COL13A1: variants seen among roughly 807,000 people sequenced by gnomAD.
COL13A1 encodes the protein collagen alpha-1(XIII) chain.
Under a neutral mutation model 130.9 loss-of-function variants are expected in COL13A1, and 89 were observed. That is an observed-to-expected ratio of 0.68 (90% CI 0.57 to 0.81). The LOEUF is 0.81. Ranked by LOEUF, COL13A1 falls within the 30% of genes least tolerant of loss-of-function variation. The pLI is 0.00. For synonymous variants in COL13A1, 402 were observed against 341.6 expected, an observed-to-expected ratio of 1.18 and a Z score of -1.95; for missense variants, 879 against 934.6, an observed-to-expected ratio of 0.94 and a Z score of 0.78.
intron 27 of COL13A1, 118 bp from the exon 28 acceptor site, chr10:69,928,819 G>T: frequency 1.5e-6 from 1 of 649,280 alleles, no homozygotes; most frequent in Non-Finnish European, 2.6e-6. Flanking sequence ...CTCTATCACT[G>T]GAGAAAGGTC....
chr10:69,802,650 AAGCGGAGCGCGGGG>A lies in COL13A1; in HGVS notation c.231_244del (p.Glu78AlafsTer36). ...CTGCAGGCCCGGGTGCTGCGCCTGGAAGCGGAGCGCGGGGAGCAGCAAATGGAGACGGCTATTTT... is the reference window on the plus strand; with the variant it reads ...CTGCAGGCCCGGGTGCTGCGCCTGGAAGCAGCAAATGGAGACGGCTATTTT... On this transcript the variant is annotated frameshift_variant, in exon 1 of 41. Coordinates refer to ENST00000645393, the MANE Select transcript of COL13A1 (RefSeq NM_001368882.1). LOFTEE classifies it high-confidence loss of function. The A allele has an allele frequency of 6.2e-7, 1 of 1,613,430 alleles. No homozygotes were observed. Among genetic ancestry groups the A allele is most frequent in the Non-Finnish European group, 8.5e-7 (1 of 1,179,550 alleles).
At chr10:69,868,632 T>TC (rs889991935) in intron 3 of COL13A1, among the ~76,000 whole-genome samples, 1 of 152,224 alleles carries the variant, frequency 6.6e-6, no homozygotes, top group Non-Finnish European at 1.5e-5. Flanking sequence ...ATCAACCCTA[T>TC]CATCATCCCT....
At chr10:69,957,159 C>A in intron 40 of COL13A1, 117 bp downstream of exon 40, 1 of 861,824 alleles carries the variant, frequency 1.2e-6, no homozygotes, top group Non-Finnish European at 1.9e-6. Flanking sequence ...CAAATAGTCA[C>A]TGTCTCAAAG....
chr10:69,808,175 C>A (rs944148530), intron 1 of COL13A1, among the ~76,000 whole-genome samples: 3 of 152,192 alleles, frequency 2.0e-5, no homozygotes, highest in African/African-American at 7.2e-5. Context: ...GCAGCCAACC[C>A]TCATAGGAAG....
chr10:69,891,287 G>A (rs1305667706), intron 10 of COL13A1, among the ~76,000 whole-genome samples: 5 of 152,206 alleles, frequency 3.3e-5, no homozygotes, highest in African/African-American at 4.8e-5. Flanking sequence ...GGTCGGAGAC[G>A]GCTTTTCTGA....
chr10:69,918,223 C>T (rs1038021334), intron 18 of COL13A1, 62 bp from the exon 19 acceptor site: 211 of 1,507,026 alleles, frequency 1.4e-4, no homozygotes, highest in Non-Finnish European at 7.7e-5. Context: ...CACTGCCCCC[C>T]GCCCCCTGCT....
At chr10:69,892,099 C>T (rs1359377522) in intron 10 of COL13A1, among the ~76,000 whole-genome samples, 1 of 152,236 alleles carries the variant, frequency 6.6e-6, no homozygotes, top group Non-Finnish European at 1.5e-5. Context: ...GGCCCACCCC[C>T]TCTCTCGTGA....
chr10:69,947,226 T>C, intron 37 of COL13A1, 81 bp from the exon 38 acceptor site: 2 of 1,294,758 alleles, frequency 1.5e-6, no homozygotes, highest in Non-Finnish European at 2.2e-6. Context: ...TTGGGAGAGT[T>C]TGATGAGCCT....
intron 15 of COL13A1, 103 bp downstream of exon 15, chr10:69,902,958 C>A: frequency 1.1e-6 from 1 of 877,042 alleles, no homozygotes; most frequent in Non-Finnish European, 1.7e-6. Flanking sequence ...AGCAGAAATG[C>A]CTTGGCAGGG....
chr10:69,813,619 A>AGGCACCCCCGT (rs1339364417), intron 1 of COL13A1, among the ~76,000 whole-genome samples: 2 of 152,036 alleles, frequency 1.3e-5, no homozygotes, highest in African/African-American at 2.4e-5. Context: ...ACAGCTCCTA[A>AGGCACCCCCGT]GGCACCCCCG....
intron 14 of COL13A1, among the ~76,000 whole-genome samples, chr10:69,901,382 C>T (rs1032995508): frequency 6.6e-5 from 10 of 152,220 alleles, no homozygotes; most frequent in African/African-American, 1.2e-4. Context: ...TTGCTGAAAG[C>T]TTACATTTCT....
At chr10:69,825,467 G>C (rs1847250297) in intron 2 of COL13A1, among the ~76,000 whole-genome samples, 1 of 152,100 alleles carries the variant, frequency 6.6e-6, no homozygotes, top group Middle Eastern at 3.2e-3. Context: ...CAATAAATGA[G>C]TATCAGTAGT....
chr10:69,891,300 AAG>A (rs2061143778), intron 10 of COL13A1, among the ~76,000 whole-genome samples: 1 of 152,240 alleles, frequency 6.6e-6, no homozygotes, highest in Non-Finnish European at 1.5e-5. Flanking sequence ...TTTTCTGAGA[AAG>A]AGACTTTTGA....
chr10:69,845,194 TC>T (rs1385409121), intron 2 of COL13A1, among the ~76,000 whole-genome samples: 1 of 66,984 alleles, frequency 1.5e-5, no homozygotes, highest in African/African-American at 4.2e-5. Context: ...CTTTTCTTTT[TC>T]TTTTTTTTTT....
intron 10 of COL13A1, among the ~76,000 whole-genome samples, chr10:69,893,856 T>C (rs1441961956): frequency 1.3e-5 from 2 of 152,128 alleles, no homozygotes; most frequent in African/African-American, 2.4e-5. Flanking sequence ...CCTCAGCCCA[T>C]AAGGCATTTG....
chr10:69,921,882 G>T lies in COL13A1; in HGVS notation c.1090G>T (p.Gly364Cys). The change falls in exon 22 of 41, where the codon GGT (glycine) becomes TGT (cysteine). Residue 364 changes from glycine (G) to cysteine (C), a missense_variant and splice_region_variant. By Grantham distance (159) the Gly-to-Cys change is radical. This residue lies in a region of COL13A1 where 715 missense variants were observed against 721.0 expected (regional missense o/e 0.99). Coordinates refer to ENST00000645393, the MANE Select transcript of COL13A1 (RefSeq NM_001368882.1). ...CCACACTGTCTGCATCTCCCTGCAG[G>T]GTGAGAAGGGGGCTGAAGGCTCCCC... ...PGLLGKRGQRGEKGAEGSPGL... is the reference protein window; with the variant it reads ...PGLLGKRGQRCEKGAEGSPGL... The T allele has an allele frequency of 6.2e-7, 1 of 1,605,428 alleles. No homozygotes were observed.
chr10:69,953,682 T>C (rs1329563121), intron 39 of COL13A1, among the ~76,000 whole-genome samples: 3 of 152,242 alleles, frequency 2.0e-5, no homozygotes, highest in Non-Finnish European at 4.4e-5. Flanking sequence ...GAAGTTTGTC[T>C]GTGTTTACAC....
In COL13A1 at chr10:69,822,392, G is replaced by A. The variant is rs1432344515; in HGVS notation, c.318G>A (p.Arg106=). The A allele has an allele frequency of 6.3e-7, 1 of 1,592,402 alleles. No homozygotes were observed. Among genetic ancestry groups the A allele is most frequent in the Admixed American group, 1.7e-5 (1 of 57,420 alleles). ...AGAAATGGAAGCTCCACTCAAGGAG[G>A]CGCCGGGAGGCCCCAAAGACATCTC... ...LDEKWKLHSR[R]RREAPKTSPG... Residue 106 remains arginine (R), a synonymous_variant, in exon 2 of 41, where the codon AGG becomes AGA. Transcript: ENST00000645393.
At chr10:69,811,169 C>T (rs1302006927) in intron 1 of COL13A1, among the ~76,000 whole-genome samples, 2 of 152,216 alleles carry the variant, frequency 1.3e-5, no homozygotes, top group East Asian at 1.9e-4. Flanking sequence ...AGCATTCGTC[C>T]AGGCATTTCC....
Sources: allele counts gnomAD v4.1 joint callset (sites outside exome capture counted in the v4.1 genomes callset), GRCh38; gene constraint gnomAD v4.1.1; regional missense constraint gnomAD v4.1.1; transcripts MANE v1.5; gene names NCBI Gene and HGNC (gene_info 2026-07-23, HGNC 2026-07-21).